The following ERC1 variants were observed in gnomAD, a reference collection of about 807,000 sequenced individuals.
The protein encoded by ERC1 is ELKS/RAB6-interacting/CAST family member 1.
ERC1 carries 56 observed loss-of-function variants against 132.0 expected under a neutral mutation model. That is an observed-to-expected ratio of 0.42 (90% CI 0.34 to 0.53). The LOEUF (loss-of-function observed/expected upper bound fraction) is 0.53, where lower values mean the gene tolerates loss of function less well. Among genes scored for constraint, ERC1 ranks in the 20% least tolerant of loss-of-function variants. The probability of loss-of-function intolerance (pLI) is 0.03; values close to 1 mark genes in which losing one functional copy is unlikely to be tolerated. For synonymous variants in ERC1, 478 were observed against 476.1 expected (o/e 1.00, Z -0.05); for missense variants, 1,202 against 1,349.9 (o/e 0.89, Z 1.72).
intron 15 of ERC1, among the ~76,000 whole-genome samples, chr12:1,359,035 G>C (rs977381148): frequency 1.3e-5 from 2 of 152,126 alleles, no homozygotes; most frequent in African/African-American, 4.8e-5. Context: ...GTCACTGATA[G>C]GTCTTTGCTC....
intron 15 of ERC1, among the ~76,000 whole-genome samples, chr12:1,356,388 A>G (rs1249168867): frequency 6.6e-6 from 1 of 152,122 alleles, no homozygotes; most frequent in African/African-American, 2.4e-5. Context: ...AACTTAAAAA[A>G]TTGAGTTTAT....
At chr12:1,361,233 G>A (rs2086076795) in intron 15 of ERC1, among the ~76,000 whole-genome samples, 1 of 134,590 alleles carries the variant, frequency 7.4e-6, no homozygotes, top group Non-Finnish European at 1.5e-5. Flanking sequence ...ACAGGAAGGG[G>A]AACATCACAC....
chr12:1,186,891 C>A (rs1955156970), intron 11 of ERC1, among the ~76,000 whole-genome samples: 1 of 152,146 alleles, frequency 6.6e-6, no homozygotes, highest in African/African-American at 2.4e-5. Flanking sequence ...AGTGCAGTGG[C>A]ACAATCTCGA....
Position 1,440,354 on chromosome 12 carries a change from G to A in ERC1, c.3025-4208G>A, listed in dbSNP as rs112722538. On this transcript the variant is annotated intron_variant, in intron 17 of 18. Coordinates refer to ENST00000360905, the MANE Select transcript of ERC1 (RefSeq NM_178040.4). ...CGAGTAGCTGGGACTACAGACGCCC[G>A]CCACCACGCCCGGCTAATTTTTTTT... Among the ~76,000 whole-genome samples, 539 of 148,448 alleles carry A rather than the reference G, an allele frequency of 3.6e-3. 1 individual carries two copies. The highest frequency in any genetic ancestry group is 0.01 in the African/African-American group (394 of 39,256).
At chr12:1,387,130 TG>T (rs2089464818) in intron 16 of ERC1, 2 of 140,442 alleles carry the variant, frequency 1.4e-5, no homozygotes, top group South Asian at 4.4e-4. Flanking sequence ...CCTGATAACT[TG>T]TTTTCTGTTT....
At chr12:1,445,388 C>T (rs1475950303) in intron 18 of ERC1, among the ~76,000 whole-genome samples, 1 of 151,972 alleles carries the variant, frequency 6.6e-6, no homozygotes, top group Non-Finnish European at 1.5e-5. Context: ...TGCCAACATG[C>T]CCGGCTAGTT....
intron 13 of ERC1, among the ~76,000 whole-genome samples, chr12:1,254,923 G>T (rs1330323133): frequency 6.6e-6 from 1 of 151,612 alleles, no homozygotes; most frequent in Non-Finnish European, 1.5e-5. Flanking sequence ...TTTCTTTGTG[G>T]TGAGAACATC....
intron 2 of ERC1, among the ~76,000 whole-genome samples, chr12:1,075,630 G>A (rs1032966171): frequency 6.6e-6 from 1 of 152,118 alleles, no homozygotes; most frequent in Non-Finnish European, 1.5e-5. Context: ...GGCGGAGGTT[G>A]CAGTGAGCTG....
chr12:1,094,396 T>C (rs571231384), intron 3 of ERC1, among the ~76,000 whole-genome samples: 1 of 144,350 alleles, frequency 6.9e-6, no homozygotes, highest in East Asian at 2.1e-4. Context: ...CTTATTTATT[T>C]AAGTTATTCC....
rs145704770 is a variant in ERC1 at position 1,486,008 on chromosome 12, G to A, written c.3214-4085G>A. 6.4e-3 allele frequency among the ~76,000 whole-genome samples: 977 copies of A among 152,276 alleles called. 5 individuals are homozygous for A. The highest frequency in any genetic ancestry group is 0.01 in the Non-Finnish European group (713 of 68,026). On this transcript the variant is annotated intron_variant, in intron 18 of 18. Transcript: ENST00000360905. The stretch of plus-strand genomic sequence containing the variant: ...ACCATAAATGGGCCTAGTTGACCCC[G>A]TACAGTTCATTGACTTCATATGCTT...
chr12:1,015,533 T>A (rs1260460714), intron 1 of ERC1, among the ~76,000 whole-genome samples: 1 of 152,210 alleles, frequency 6.6e-6, no homozygotes, highest in African/African-American at 2.4e-5. Context: ...TCATTGCACA[T>A]TATGTCCTTG....
At chr12:1,116,511 G>T (rs910602036) in intron 7 of ERC1, among the ~76,000 whole-genome samples, 1 of 151,986 alleles carries the variant, frequency 6.6e-6, no homozygotes, top group Admixed American at 6.6e-5. Flanking sequence ...TTAAACCACA[G>T]ATTATTAGAC....
intron 4 of ERC1, among the ~76,000 whole-genome samples, chr12:1,105,920 T>C (rs1449693185): frequency 6.6e-6 from 1 of 152,164 alleles, no homozygotes; most frequent in African/African-American, 2.4e-5. Context: ...ATTGTGAAAA[T>C]AGTTTTGATC....
chr12:1,343,912 G>A (rs768061971), intron 15 of ERC1, among the ~76,000 whole-genome samples: 1 of 151,680 alleles, frequency 6.6e-6, no homozygotes, highest in Non-Finnish European at 1.5e-5. Context: ...CGCGATCTCC[G>A]CTCACTGTAA....
At chr12:1,018,721 A>G (rs1209892239) in intron 1 of ERC1, among the ~76,000 whole-genome samples, 1 of 152,242 alleles carries the variant, frequency 6.6e-6, no homozygotes, top group Admixed American at 6.5e-5. Context: ...TGGCGTTGGC[A>G]AACACTTACT....
intron 17 of ERC1, among the ~76,000 whole-genome samples, chr12:1,418,629 T>C (rs1343288771): frequency 0.012 from 1,208 of 101,588 alleles, 40 homozygotes; most frequent in African/African-American, 0.058. Context: ...CTTTCTTTCT[T>C]TCTTTCTTTC....
intron 18 of ERC1, among the ~76,000 whole-genome samples, chr12:1,482,956 C>T (rs58989190): frequency 0.04 from 6,161 of 152,170 alleles, 427 homozygotes; most frequent in African/African-American, 0.14. Context: ...AAGCAGCTGC[C>T]ACTCTTACTT....
At chr12:1,120,726 GA>G (rs1946987226) in intron 7 of ERC1, among the ~76,000 whole-genome samples, 2 of 152,156 alleles carry the variant, frequency 1.3e-5, no homozygotes, top group African/African-American at 4.8e-5. Flanking sequence ...CCTTCTCCAG[GA>G]AATTGTGTTT....
intron 15 of ERC1, among the ~76,000 whole-genome samples, chr12:1,365,521 A>G (rs2086578462): frequency 6.6e-6 from 1 of 152,212 alleles, no homozygotes; most frequent in Admixed American, 6.5e-5. Flanking sequence ...TACAGAATAA[A>G]ACAGACAAAG....
Sources: allele counts gnomAD v4.1 joint callset (sites outside exome capture counted in the v4.1 genomes callset), GRCh38; gene constraint gnomAD v4.1.1; transcripts MANE v1.5; gene names NCBI Gene and HGNC (gene_info 2026-07-23, HGNC 2026-07-21).